SPEN: variants seen among roughly 807,000 people sequenced by gnomAD.
SPEN encodes the protein msx2-interacting protein.
A neutral mutation model predicts 269.9 loss-of-function variants in SPEN; 18 were observed. The observed-to-expected ratio is 0.07, with a 90% CI of 0.05 to 0.10. SPEN has a LOEUF of 0.10. Ranked by LOEUF, SPEN falls within the 10% of genes least tolerant of loss-of-function variation. SPEN has a pLI of 1.00. For synonymous variants in SPEN, 1,726 were observed against 1,765.7 expected (o/e 0.98, Z 0.56); for missense variants, 3,822 against 4,631.2 (o/e 0.83, Z 5.07).
Position 15,928,384 on chromosome 1 carries a change from G to C in SPEN, c.2144G>C (p.Arg715Thr). The C allele has an allele frequency of 1.2e-6, 2 of 1,614,168 alleles. No homozygotes were observed. Among genetic ancestry groups the C allele is most frequent in the Non-Finnish European group, 1.7e-6 (2 of 1,180,032 alleles). The change falls in exon 11 of 15, where the codon AGA becomes ACA. Residue 715 changes from arginine to threonine, a missense_variant. By Grantham distance (71) the Arg-to-Thr change is moderately conservative. This residue lies in a region of SPEN where 572 missense variants were observed against 582.6 expected (regional missense o/e 0.98). Coordinates refer to ENST00000375759, the MANE Select transcript of SPEN (RefSeq NM_015001.3). The surrounding 1 kb of genome is among the most constrained non-coding windows in gnomAD (Gnocchi z 5.7). Reference protein sequence around the residue: ...ERERFESDRDRDHERRPIERS... With the variant: ...ERERFESDRDTDHERRPIERS... Reference sequence around the variant, plus strand: ...GAAAGATTTGAGTCTGACCGGGACAGAGACCATGAGAGGAGGCCGATTGAA... The same window carrying C: ...GAAAGATTTGAGTCTGACCGGGACACAGACCATGAGAGGAGGCCGATTGAA...
In SPEN at chr1:15,933,478, A is replaced by G; in HGVS notation, c.7238A>G (p.Gln2413Arg). The G allele has an allele frequency of 6.2e-7, 1 of 1,614,088 alleles. No homozygotes were observed. ...SKIPSTENSS[Q>R]EISVEERTPT... is the part of the protein sequence containing the mutation. ...ATTCCCTCCACAGAGAATTCGTCCC[A>G]AGAAATCAGTGTTGAGGAAAGGACT... The change falls in exon 11 of 15, where the codon CAA (glutamine) becomes CGA (arginine). Residue 2413 changes from glutamine (Q) to arginine (R), a missense_variant. Physicochemically the swap from Gln to Arg is conservative, Grantham distance 43. This residue lies in a region of SPEN where 727 missense variants were observed against 737.9 expected (regional missense o/e 0.99). Transcript: ENST00000375759. This position sits in a 1 kb window ranked among gnomAD's most constrained non-coding sequence, Gnocchi z 5.7.
chr1:15,881,260 C>T (rs1003147575), intron 3 of SPEN, among the ~76,000 whole-genome samples: 1 of 152,182 alleles, frequency 6.6e-6, no homozygotes, highest in Non-Finnish European at 1.5e-5. Flanking sequence ...TGAGCCATCA[C>T]GCCCAACTTT....
chr1:15,929,083 A>G lies in SPEN; in HGVS notation c.2843A>G (p.His948Arg). The G allele has an allele frequency of 6.2e-7, 1 of 1,614,230 alleles. No individual in the cohort carries two copies. The highest frequency in any genetic ancestry group is 1.7e-5 in the Admixed American group (1 of 60,030). ...KVPKEKGLSS[H>R]VEVVEKEGRL... ...CCAAAGGAAAAGGGGCTTTCAAGCC[A>G]TGTTGAAGTGGTGGAGAAGGAAGGC... is the stretch of plus-strand genomic sequence containing the variant. Residue 948 changes from histidine to arginine, a missense_variant, in exon 11 of 15, where the codon CAT (histidine) becomes CGT (arginine). His to Arg is a conservative substitution (Grantham distance 29). This residue lies in a region of SPEN where 572 missense variants were observed against 582.6 expected (regional missense o/e 0.98). Coordinates refer to ENST00000375759, the MANE Select transcript of SPEN (RefSeq NM_015001.3). This position sits in a 1 kb window ranked among gnomAD's most constrained non-coding sequence, Gnocchi z 5.8.
chr1:15,939,433 T>C lies in SPEN; in HGVS notation c.*6T>C. The C allele has an allele frequency of 6.3e-7, 1 of 1,583,314 alleles. No individual in the cohort carries two copies. The highest frequency in any genetic ancestry group is 2.4e-5 in the East Asian group (1 of 42,332). ...TTGTCATTGCCTCCGTGTGAGCCAC[T>C]GAGTGGTTATCACCTCAGTGAATCT... On this transcript the variant is annotated 3_prime_UTR_variant, in exon 15 of 15. Transcript: ENST00000375759. This position sits in a 1 kb window ranked among gnomAD's most constrained non-coding sequence, Gnocchi z 4.1.
rs12095818 is a variant in SPEN, at chr1:15,930,329, T to G, written c.4089T>G (p.Asp1363Glu). 4,870 of 1,613,950 alleles carry G rather than the reference T, an allele frequency of 3.0e-3. 41 individuals carry two copies. The highest frequency in any genetic ancestry group is 0.029 in the African/African-American group (2,143 of 75,046). ...TCCCAAACAGCATAATTAAGAGAGA[T>G]AGCCTTCGAAAAAGGTCTGTACGAG... is the stretch of plus-strand genomic sequence containing the variant. ...VSFPNSIIKR[D>E]SLRKRSVRDL... Residue 1363 changes from aspartate to glutamate, a missense_variant, in exon 11 of 15, where the codon GAT (aspartate) becomes GAG (glutamate). Asp to Glu is a conservative substitution (Grantham distance 45). This residue lies in a region of SPEN where 267 missense variants were observed against 315.5 expected (regional missense o/e 0.85). Coordinates refer to ENST00000375759, the MANE Select transcript of SPEN (RefSeq NM_015001.3). This position sits in a 1 kb window ranked among gnomAD's most constrained non-coding sequence, Gnocchi z 5.3.
At chr1:15,859,446 C>T (rs1475944165) in intron 1 of SPEN, among the ~76,000 whole-genome samples, 5 of 150,908 alleles carry the variant, frequency 3.3e-5, no homozygotes, top group African/African-American at 1.2e-4. Context: ...CAAGCTCCGC[C>T]TCCTGGGTTC....
At position 15,939,933 on chromosome 1, in the gene SPEN, T is replaced by G. The variant is rs899906161; in HGVS notation, c.*506T>G. On this transcript the variant is annotated 3_prime_UTR_variant, in exon 15 of 15. Transcript: ENST00000375759. The surrounding 1 kb of genome is among the most constrained non-coding windows in gnomAD (Gnocchi z 4.1). ...TTGGGGTCAAGGAACATTTCATTGG[T>G]TTTTTTTGTCCACCCCCATCTCCCT... 47 of 230,444 alleles carry G rather than the reference T, an allele frequency of 2.0e-4. No individual in the cohort carries two copies. The highest frequency in any genetic ancestry group is 3.4e-4 in the Non-Finnish European group (40 of 116,486). The allele number at this position is 230,444 out of a possible 1,614,324, so 14.3% of individuals were successfully genotyped here. A position where few individuals can be genotyped will look rare whatever the true frequency, so the allele number is the denominator to read the frequency against.
chr1:15,926,528 C>T (rs1335077232), intron 10 of SPEN, among the ~76,000 whole-genome samples: 1 of 151,800 alleles, frequency 6.6e-6, no homozygotes, highest in Non-Finnish European at 1.5e-5. Flanking sequence ...GTTTGCTGTT[C>T]AAAGGAGTTG....
chr1:15,937,043 G>T lies in SPEN; in HGVS notation c.10027-120G>T. 7.0e-7 allele frequency: 1 copy of T among 1,435,536 alleles called. No individual in the cohort carries two copies. The highest frequency in any genetic ancestry group is 1.4e-5 in the South Asian group (1 of 73,504). The allele number at this position is 1,435,536 out of a possible 1,614,324, so 88.9% of individuals were successfully genotyped here. A position where few individuals can be genotyped will look rare whatever the true frequency, so the allele number is the denominator to read the frequency against. On this transcript the variant is annotated intron_variant, in intron 11 of 14. Coordinates refer to ENST00000375759, the MANE Select transcript of SPEN (RefSeq NM_015001.3). This position sits in a 1 kb window ranked among gnomAD's most constrained non-coding sequence, Gnocchi z 5.7. Reference sequence around the variant, plus strand: ...TGATTCAGGCTCCTTCTGTGGGCCTGACTTAACGGGAGATGCCACATCTTA... The same window carrying T: ...TGATTCAGGCTCCTTCTGTGGGCCTTACTTAACGGGAGATGCCACATCTTA...
rs764173169 is a variant in SPEN, at chr1:15,936,188, C to T, written c.9948C>T (p.Pro3316=). ...ACGGCGACATCCGCACCTACCACCC[C>T]CCGGCCCAGCTCACACACACTCAGT... ...YRYGDIRTYH[P]PAQLTHTQFP... The change falls in exon 11 of 15, where the codon CCC becomes CCT. Residue 3316 remains proline, a synonymous_variant. Coordinates refer to ENST00000375759, the MANE Select transcript of SPEN (RefSeq NM_015001.3). 1.3e-6 allele frequency: 2 copies of T among 1,593,990 alleles called. No homozygotes were observed. The highest frequency in any genetic ancestry group is 8.6e-7 in the Non-Finnish European group (1 of 1,166,124).
In SPEN at chr1:15,937,106, C is replaced by T. The variant is rs2071282858; in HGVS notation, c.10027-57C>T. The T allele has an allele frequency of 7.7e-6, 12 of 1,559,932 alleles. No homozygotes were observed. Among genetic ancestry groups the T allele is most frequent in the East Asian group, 6.8e-5 (3 of 44,196 alleles). ...GGCCCTTTGGGTCATTTGTTGGTCT[C>T]AGGGGCTTGTGCACAACAGACTGAC... On this transcript the variant is annotated intron_variant, in intron 11 of 14. Transcript: ENST00000375759. This position sits in a 1 kb window ranked among gnomAD's most constrained non-coding sequence, Gnocchi z 5.7.
chr1:15,884,889 C>G lies in SPEN; in HGVS notation c.881+8211C>G, dbSNP rs114484535. Among the ~76,000 whole-genome samples the G allele has an allele frequency of 7.2e-3, 1,102 of 152,006 alleles. 15 individuals are homozygous for G. Among genetic ancestry groups the G allele is most frequent in the African/African-American group, 0.025 (1,019 of 41,458 alleles). ...GGTGGATTACAGGTTGTGCCACCAG[C>G]TAATTTTTGTATTTTTTAATAAAGA... On this transcript the variant is annotated intron_variant, in intron 3 of 14. Transcript: ENST00000375759.
At chr1:15,908,059 A>C (rs924484347) in intron 3 of SPEN, among the ~76,000 whole-genome samples, 2 of 152,156 alleles carry the variant, frequency 1.3e-5, no homozygotes, top group African/African-American at 4.8e-5. Flanking sequence ...AACATGATCT[A>C]GTAACTTACA....
chr1:15,888,154 G>GCT (rs1228875610), intron 3 of SPEN, among the ~76,000 whole-genome samples: 2 of 149,506 alleles, frequency 1.3e-5, no homozygotes, highest in Non-Finnish European at 3.0e-5. Flanking sequence ...TGTCACCCAG[G>GCT]CTGGAGTGCA....
Position 15,930,504 on chromosome 1 carries a change from C to T in SPEN, c.4264C>T (p.Leu1422Phe), listed in dbSNP as rs1388540196. The change falls in exon 11 of 15, where the codon CTC becomes TTC. Residue 1422 changes from leucine (L) to phenylalanine (F), a missense_variant. Physicochemically the swap from Leu to Phe is conservative, Grantham distance 22. Transcript: ENST00000375759. The surrounding 1 kb of genome is among the most constrained non-coding windows in gnomAD (Gnocchi z 5.3). Reference protein sequence around the residue: ...EDKLRERDERLSSSLERNKFY... With the variant: ...EDKLRERDERFSSSLERNKFY... ...CAAGCTACGTGAGCGAGATGAAAGA[C>T]TCTCTAGTTCTTTAGAAAGGAACAA... The T allele has an allele frequency of 6.2e-7, 1 of 1,614,180 alleles. No homozygotes were observed. Among genetic ancestry groups the T allele is most frequent in the East Asian group, 2.2e-5 (1 of 44,882 alleles).
Position 15,936,215 on chromosome 1 carries a change from T to A in SPEN, c.9975T>A (p.Phe3325Leu), listed in dbSNP as rs932231392. 6.4e-7 allele frequency: 1 copy of A among 1,562,162 alleles called. No homozygotes were observed. The highest frequency in any genetic ancestry group is 8.7e-7 in the Non-Finnish European group (1 of 1,147,354). The change falls in exon 11 of 15, where the codon TTT becomes TTA. Residue 3325 changes from phenylalanine to leucine, a missense_variant. Around this residue, in one of 16 missense-constraint regions of SPEN, gnomAD observed 359 missense variants for 377.3 expected, o/e 0.95. Transcript: ENST00000375759. ...HPPAQLTHTQ[F>L]PAASSVGLPS... ...CGGCCCAGCTCACACACACTCAGTT[T>A]CCCGCCGCTTCCTCTGTTGGCCTGC... is the stretch of plus-strand genomic sequence containing the variant.
At chr1:15,920,372 T>C (rs1292593822) in intron 8 of SPEN, among the ~76,000 whole-genome samples, 1 of 152,194 alleles carries the variant, frequency 6.6e-6, no homozygotes, top group Non-Finnish European at 1.5e-5. Context: ...GACAATACTT[T>C]AAATGTAGCT....
rs1024210373 is a variant in SPEN at position 15,922,381 on chromosome 1, A to G, written c.1850+32A>G. ...ATTTTAAACTTACCAGTGTAGCTTG[A>G]GTTTTAATAGTTTTAATACAGAAAC... On this transcript the variant is annotated intron_variant, in intron 10 of 14. Transcript: ENST00000375759. 4 of 1,369,732 alleles carry G rather than the reference A, an allele frequency of 2.9e-6. No individual in the cohort carries two copies. In the African/African-American group the frequency reaches 5.9e-5, roughly 20 times the overall value. 84.8% of individuals were successfully genotyped at this position (1,369,732 alleles called of 1,614,324 possible).
Position 15,848,352 on chromosome 1 carries a change from G to C in SPEN, c.83+202G>C, listed in dbSNP as rs1427544423. On this transcript the variant is annotated intron_variant, in intron 1 of 14. Transcript: ENST00000375759. This position sits in a 1 kb window ranked among gnomAD's most constrained non-coding sequence, Gnocchi z 5.1. Reference sequence around the variant, plus strand: ...TCGGCGGTGCGGGCGGCCAAGCCGCGCCGCCTTCGAAGAGCCCGCGGGGCC... The same window carrying C: ...TCGGCGGTGCGGGCGGCCAAGCCGCCCCGCCTTCGAAGAGCCCGCGGGGCC... Among the ~76,000 whole-genome samples the C allele has an allele frequency of 7.3e-5, 11 of 151,150 alleles. No individual in the cohort carries two copies. Among genetic ancestry groups the C allele is most frequent in the Non-Finnish European group, 1.6e-4 (11 of 67,660 alleles).
Sources: gnomAD v4.1 joint callset for allele counts (sites outside exome capture counted in the v4.1 genomes callset) on GRCh38, gnomAD v4.1.1 for gene constraint, gnomAD v4.1.1 regional missense constraint, Gnocchi (gnomAD v3.1) non-coding constraint, MANE v1.5 for transcripts, NCBI Gene and HGNC (gene_info 2026-07-23, HGNC 2026-07-21) for gene names.